ANKRD28: variants seen among roughly 807,000 people sequenced by gnomAD.
ANKRD28 encodes the protein ankyrin repeat domain 28, also known as serine/threonine-protein phosphatase 6 regulatory ankyrin repeat subunit A.
A neutral mutation model predicts 126.5 loss-of-function variants in ANKRD28; 44 were observed. The observed-to-expected ratio is 0.35, with a 90% CI of 0.27 to 0.45. ANKRD28 has a LOEUF of 0.45. Among genes scored for constraint, ANKRD28 ranks in the 20% least tolerant of loss-of-function variants. ANKRD28 has a pLI of 1.00. For synonymous variants in ANKRD28, 442 were observed against 468.5 expected (o/e 0.94, Z 0.73); for missense variants, 1,110 against 1,316.6 (o/e 0.84, Z 2.43).
intron 1 of ANKRD28, among the ~76,000 whole-genome samples, chr3:15,811,189 T>C (rs1575750628): frequency 6.6e-6 from 1 of 152,214 alleles, no homozygotes; most frequent in African/African-American, 2.4e-5. Context: ...TTCTAGAGTC[T>C]GTTTTATTTT....
intron 4 of ANKRD28, among the ~76,000 whole-genome samples, chr3:15,747,804 C>T (rs2125321690): frequency 6.6e-6 from 1 of 152,168 alleles, no homozygotes; most frequent in Non-Finnish European, 1.5e-5. Context: ...TTAAAGTCCC[C>T]CACTATTATT....
At chr3:15,780,329 A>C (rs2059485563) in intron 2 of ANKRD28, among the ~76,000 whole-genome samples, 1 of 152,150 alleles carries the variant, frequency 6.6e-6, no homozygotes, top group African/African-American at 2.4e-5. Flanking sequence ...CAACAACAAA[A>C]AAAAGTAACA....
At chr3:15,858,498 A>C (rs1401331878) in intron 1 of ANKRD28, among the ~76,000 whole-genome samples, 1 of 152,258 alleles carries the variant, frequency 6.6e-6, no homozygotes, top group Non-Finnish European at 1.5e-5. Context: ...GCTCACTTTC[A>C]AAATAGTTTT....
At chr3:15,851,678 G>T (rs1255800023) in intron 1 of ANKRD28, among the ~76,000 whole-genome samples, 1 of 152,192 alleles carries the variant, frequency 6.6e-6, no homozygotes, top group Non-Finnish European at 1.5e-5. Context: ...AAACTGGAAT[G>T]CTCATACGCT....
rs1411943557 is a variant in ANKRD28 at position 15,670,015 on chromosome 3, C to A, written c.*255G>T. ...CCAATTGTTCCTGGCACTGCAAAACCAAATTAAACAATTCCACAAAGAATT... is the reference window on the plus strand; with the variant it reads ...CCAATTGTTCCTGGCACTGCAAAACAAAATTAAACAATTCCACAAAGAATT... On this transcript the variant is annotated 3_prime_UTR_variant, in exon 28 of 28. Coordinates refer to ENST00000683139, the MANE Select transcript of ANKRD28 (RefSeq NM_001349278.2). The A allele has an allele frequency of 2.4e-6, 1 of 422,672 alleles. No individual in the cohort carries two copies. Among genetic ancestry groups the A allele is most frequent in the African/African-American group, 2.0e-5 (1 of 50,578 alleles). 26.2% of individuals were successfully genotyped at this position (422,672 alleles called of 1,614,324 possible).
At chr3:15,683,082 GA>G (rs2067709639) in intron 21 of ANKRD28, among the ~76,000 whole-genome samples, 1 of 152,136 alleles carries the variant, frequency 6.6e-6, no homozygotes. Context: ...CACTGTAATA[GA>G]AAGCAACTCT....
intron 1 of ANKRD28, among the ~76,000 whole-genome samples, chr3:15,836,826 C>T (rs926191692): frequency 6.6e-6 from 1 of 152,076 alleles, no homozygotes; most frequent in African/African-American, 2.4e-5. Flanking sequence ...CCTGTAATCC[C>T]AGCTCACACC....
intron 3 of ANKRD28, among the ~76,000 whole-genome samples, chr3:15,758,332 G>A (rs2058278459): frequency 1.3e-5 from 2 of 152,124 alleles, no homozygotes; most frequent in Non-Finnish European, 1.5e-5. Flanking sequence ...AGAGTAGAAT[G>A]AGCAAAAACC....
chr3:15,735,594 C>G (rs2074963937), intron 5 of ANKRD28, 97 bp from the exon 6 acceptor site: 1 of 921,104 alleles, frequency 1.1e-6, no homozygotes, highest in African/African-American at 1.7e-5. Context: ...TTCTCTGGCA[C>G]TAAATTTCTG....
chr3:15,741,146 C>T (rs1176634413), intron 4 of ANKRD28, among the ~76,000 whole-genome samples: 1 of 152,016 alleles, frequency 6.6e-6, no homozygotes, highest in African/African-American at 2.4e-5. Flanking sequence ...TTGCAGTGAG[C>T]CGAGATCGCG....
chr3:15,743,588 A>ACACACG (rs1175258587), intron 4 of ANKRD28, among the ~76,000 whole-genome samples: 1 of 147,170 alleles, frequency 6.8e-6, no homozygotes, highest in Non-Finnish European at 1.5e-5. Flanking sequence ...ACACACACAC[A>ACACACG]CACACGCACA....
chr3:15,852,560 A>T (rs1011233237), intron 1 of ANKRD28, among the ~76,000 whole-genome samples: 1 of 152,178 alleles, frequency 6.6e-6, no homozygotes, highest in African/African-American at 2.4e-5. Context: ...TACGCCGGGC[A>T]TGGTGGCTCA....
At chr3:15,783,222 T>A (rs2059617184) in intron 2 of ANKRD28, among the ~76,000 whole-genome samples, 2 of 151,604 alleles carry the variant, frequency 1.3e-5, no homozygotes. Context: ...AACAATCCAA[T>A]TAAAAAAACT....
intron 1 of ANKRD28, among the ~76,000 whole-genome samples, chr3:15,857,281 T>G (rs77121516): frequency 0.042 from 6,457 of 152,146 alleles, 470 homozygotes; most frequent in African/African-American, 0.15. Flanking sequence ...GGTTTACAAG[T>G]GACATTTATT....
rs2061544040 is a variant in ANKRD28, at chr3:15,846,984, C to T, written c.27+12393G>A. On this transcript the variant is annotated intron_variant, in intron 1 of 27. Transcript: ENST00000399451. This position sits in a 1 kb window ranked among gnomAD's most constrained non-coding sequence, Gnocchi z 5.4. ...TCTAGTAAATATAAGTTATCTGGGG[C>T]CTGGGAGAAAAGAAAACAAGTTTGG... Among the ~76,000 whole-genome samples the T allele has an allele frequency of 6.6e-6, 1 of 152,090 alleles. No individual in the cohort carries two copies. The highest frequency in any genetic ancestry group is 2.1e-4 in the South Asian group (1 of 4,824).
intron 3 of ANKRD28, among the ~76,000 whole-genome samples, chr3:15,759,686 G>C (rs1177169255): frequency 6.6e-6 from 1 of 152,174 alleles, no homozygotes; most frequent in Non-Finnish European, 1.5e-5. Context: ...TAAGGAAACA[G>C]TTACAACCAC....
chr3:15,782,501 T>C (rs2059583324), intron 2 of ANKRD28, among the ~76,000 whole-genome samples: 1 of 152,124 alleles, frequency 6.6e-6, no homozygotes, highest in Admixed American at 6.6e-5. Flanking sequence ...CACATTTAAA[T>C]GTGTGAACTC....
chr3:15,779,816 C>T (rs930153959), intron 2 of ANKRD28, among the ~76,000 whole-genome samples: 1 of 152,158 alleles, frequency 6.6e-6, no homozygotes, highest in African/African-American at 2.4e-5. Flanking sequence ...AGACAGCATC[C>T]TATTCTAAGT....
intron 2 of ANKRD28, among the ~76,000 whole-genome samples, chr3:15,794,833 A>G (rs1278943073): frequency 6.6e-6 from 1 of 152,222 alleles, no homozygotes; most frequent in African/African-American, 2.4e-5. Flanking sequence ...ATGCACAGTT[A>G]AGTATTTAAT....
Sources: gnomAD v4.1 joint callset for allele counts (sites outside exome capture counted in the v4.1 genomes callset) on GRCh38, gnomAD v4.1.1 for gene constraint, Gnocchi (gnomAD v3.1) non-coding constraint, MANE v1.5 for transcripts, NCBI Gene and HGNC (gene_info 2026-07-23, HGNC 2026-07-21) for gene names.